EPB41L5: variants seen among roughly 807,000 people sequenced by gnomAD.
EPB41L5 encodes band 4.1-like protein 5.
In EPB41L5, 55 loss-of-function variants were observed where a neutral mutation model predicts 106.6. That is an observed-to-expected ratio of 0.52 (90% CI 0.42 to 0.65). EPB41L5 has a LOEUF of 0.65. Ranked by LOEUF, EPB41L5 falls within the 30% of genes least tolerant of loss-of-function variation. The pLI is 0.00. For missense variants in EPB41L5, 871 were observed against 882.1 expected, an observed-to-expected ratio of 0.99 and a Z score of 0.16; for synonymous variants, 297 against 306.7, an observed-to-expected ratio of 0.97 and a Z score of 0.33.
chr2:120,030,299 A>G (rs1678615872), intron 2 of EPB41L5, among the ~76,000 whole-genome samples: 5 of 152,162 alleles, frequency 3.3e-5, no homozygotes, highest in Admixed American at 3.3e-4. Context: ...TGGCTCCAAG[A>G]GTCTGAACTT....
At chr2:120,154,459 C>G (rs953870405) in intron 20 of EPB41L5, among the ~76,000 whole-genome samples, 15 of 151,906 alleles carry the variant, frequency 9.9e-5, no homozygotes, top group Admixed American at 4.6e-4. Flanking sequence ...GCCACTGCAC[C>G]CGGCCCCTTC....
chr2:120,146,178 A>G, intron 19 of EPB41L5, 47 bp from the exon 20 acceptor site: 1 of 1,133,230 alleles, frequency 8.8e-7, no homozygotes, highest in Non-Finnish European at 1.3e-6. Context: ...TTGTTACTTT[A>G]GTATCCTCAA....
chr2:120,086,464 G>C (rs1018085706), intron 10 of EPB41L5, among the ~76,000 whole-genome samples: 3 of 152,154 alleles, frequency 2.0e-5, no homozygotes, highest in Non-Finnish European at 2.9e-5. Context: ...CAAAATTCCT[G>C]TTGAAAACAG....
intron 16 of EPB41L5, chr2:120,105,663 A>G: frequency 1.0e-6 from 1 of 985,422 alleles, no homozygotes; most frequent in Non-Finnish European, 1.2e-6. Context: ...TCTAAATATA[A>G]ATAGATCTGT....
chr2:120,094,696 G>T (rs1196025235), intron 14 of EPB41L5, among the ~76,000 whole-genome samples: 2 of 151,970 alleles, frequency 1.3e-5, no homozygotes, highest in Non-Finnish European at 2.9e-5. Flanking sequence ...AACATTTAAA[G>T]ATATTAAATT....
chr2:120,051,456 G>T (rs758569719), intron 3 of EPB41L5, among the ~76,000 whole-genome samples: 12 of 152,332 alleles, frequency 7.9e-5, no homozygotes, highest in Middle Eastern at 6.8e-3. Context: ...CTCCGAGCCA[G>T]GCACAGGATA....
At chr2:120,018,116 A>G (rs1342857804) in intron 1 of EPB41L5, among the ~76,000 whole-genome samples, 1 of 151,292 alleles carries the variant, frequency 6.6e-6, no homozygotes, top group Non-Finnish European at 1.5e-5. Flanking sequence ...GCCTGCTACC[A>G]CGCCCGGCTA....
chr2:120,132,142 A>AT (rs1452170837), intron 18 of EPB41L5, among the ~76,000 whole-genome samples: 2 of 151,852 alleles, frequency 1.3e-5, no homozygotes, highest in African/African-American at 2.4e-5. Flanking sequence ...TCCCCTTTGA[A>AT]TTTTTTTTGT....
chr2:120,172,183 A>G (rs1012496639), intron 24 of EPB41L5, among the ~76,000 whole-genome samples: 15 of 152,184 alleles, frequency 9.9e-5, no homozygotes, highest in African/African-American at 3.6e-4. Flanking sequence ...CGTCCTATAT[A>G]TGAATCATAG....
At chr2:120,089,631 T>G (rs1306642216) in intron 11 of EPB41L5, among the ~76,000 whole-genome samples, 3 of 152,154 alleles carry the variant, frequency 2.0e-5, no homozygotes, top group African/African-American at 7.2e-5. Context: ...TCTCTTTTTT[T>G]GGACGTTTAG....
intron 14 of EPB41L5, among the ~76,000 whole-genome samples, chr2:120,093,788 A>G (rs1438174547): frequency 6.6e-6 from 1 of 152,168 alleles, no homozygotes; most frequent in African/African-American, 2.4e-5. Flanking sequence ...AGGGTGGGTA[A>G]TACTGGCTTT....
intron 4 of EPB41L5, 31 bp downstream of exon 4, chr2:120,073,251 GA>G (rs556421289): frequency 8.6e-5 from 131 of 1,531,084 alleles, no homozygotes; most frequent in Middle Eastern, 7.5e-4. Flanking sequence ...TTGTGGGGGG[GA>G]AAGGAAATAG....
At chr2:120,068,049 G>A (rs1203929600) in intron 3 of EPB41L5, among the ~76,000 whole-genome samples, 1 of 152,148 alleles carries the variant, frequency 6.6e-6, no homozygotes, top group Non-Finnish European at 1.5e-5. Context: ...CGTGGAAGGC[G>A]GGTGATTTCT....
chr2:120,131,722 A>G lies in EPB41L5; in HGVS notation c.1599+7A>G, dbSNP rs1243052773. ...TGTTAACATAAACAGCCAGGTATTC[A>G]GATTTCCCCTGTGTATACCTGTTAC... On this transcript the variant is annotated splice_region_variant and intron_variant, in intron 18 of 24. Transcript: ENST00000263713. The G allele has an allele frequency of 1.2e-6, 2 of 1,603,400 alleles. No homozygotes were observed. The highest frequency in any genetic ancestry group is 1.7e-6 in the Non-Finnish European group (2 of 1,170,258).
At chr2:120,093,451 T>G (rs770934218) in intron 14 of EPB41L5, among the ~76,000 whole-genome samples, 175 bp downstream of exon 14, 1 of 152,168 alleles carries the variant, frequency 6.6e-6, no homozygotes, top group South Asian at 2.1e-4. Flanking sequence ...GATGAAAAAT[T>G]AAAGCAGTTT....
intron 4 of EPB41L5, among the ~76,000 whole-genome samples, chr2:120,073,598 C>T (rs1192796902): frequency 1.3e-5 from 2 of 152,126 alleles, no homozygotes; most frequent in African/African-American, 2.4e-5. Context: ...TGAAACAATT[C>T]ACATAAAATG....
chr2:120,089,373 GTAT>G (rs1186504113), intron 11 of EPB41L5, among the ~76,000 whole-genome samples: 1 of 151,906 alleles, frequency 6.6e-6, no homozygotes, highest in South Asian at 2.1e-4. Flanking sequence ...ATTTTGGAGG[GTAT>G]TATTCTCATA....
chr2:120,147,529 A>G (rs938141361), intron 20 of EPB41L5, among the ~76,000 whole-genome samples: 1 of 151,340 alleles, frequency 6.6e-6, no homozygotes, highest in African/African-American at 2.4e-5. Context: ...GGAGGCCAAG[A>G]CAGGAGAATT....
intron 10 of EPB41L5, among the ~76,000 whole-genome samples, chr2:120,083,667 TTCTGTCTCGA>T (rs1386924690): frequency 1.3e-5 from 2 of 152,204 alleles, no homozygotes; most frequent in African/African-American, 2.4e-5. Context: ...CTTGTTAACT[TTCTGTCTCGA>T]TCTGTCTAAT....
Sources: gnomAD v4.1 joint callset for allele counts (sites outside exome capture counted in the v4.1 genomes callset) on GRCh38, gnomAD v4.1.1 for gene constraint, MANE v1.5 for transcripts, NCBI Gene and HGNC (gene_info 2026-07-23, HGNC 2026-07-21) for gene names.